ACSS3: variants seen among roughly 807,000 people sequenced by gnomAD.
ACSS3 encodes acyl-CoA synthetase short-chain family member 3, mitochondrial.
In ACSS3, 64 loss-of-function variants were observed where a neutral mutation model predicts 84.2. The ratio of observed to expected loss-of-function variants is 0.76; its 90% CI spans 0.62 to 0.94. ACSS3 has a LOEUF of 0.94. Ranked by LOEUF, ACSS3 falls within the 40% of genes least tolerant of loss-of-function variation. The pLI is 0.00. For synonymous variants in ACSS3, 317 were observed against 310.1 expected (o/e 1.02, Z -0.23); for missense variants, 815 against 867.6 (o/e 0.94, Z 0.76).
At chr12:81,211,118 C>G (rs2032574402) in intron 9 of ACSS3, among the ~76,000 whole-genome samples, 1 of 151,918 alleles carries the variant, frequency 6.6e-6, no homozygotes, top group Admixed American at 6.6e-5. Context: ...TGGGTGTGCA[C>G]CACCATACTT....
intron 1 of ACSS3, among the ~76,000 whole-genome samples, chr12:81,108,247 C>CTAT (rs71098120): frequency 0.49 from 68,865 of 140,700 alleles, 17,215 homozygotes; most frequent in East Asian, 0.62. Flanking sequence ...CTTTCTGTGG[C>CTAT]TATTATTATT....
chr12:81,097,615 C>A (rs114118728), intron 1 of ACSS3, among the ~76,000 whole-genome samples: 2 of 152,212 alleles, frequency 1.3e-5, no homozygotes, highest in Non-Finnish European at 2.9e-5. Context: ...CCCATTCTAC[C>A]TGTGACCATA....
intron 7 of ACSS3, among the ~76,000 whole-genome samples, chr12:81,167,447 A>G (rs545795139): frequency 1.3e-5 from 2 of 152,322 alleles, no homozygotes. Context: ...TCTGAAATAT[A>G]TAGAACAGAA....
In ACSS3 at chr12:81,247,548, G is replaced by A. The variant is rs143344980; in HGVS notation, c.1720-5759G>A. On this transcript the variant is annotated intron_variant, in intron 13 of 15. Coordinates refer to ENST00000548058, the MANE Select transcript of ACSS3 (RefSeq NM_024560.4). ...TTGGAGTATTTAGGGTGCATAACAG[G>A]AAACCATTCAGACCTTAAATCTTTA... Among the ~76,000 whole-genome samples, 148 of 152,164 alleles carry A rather than the reference G, an allele frequency of 9.7e-4. 1 individual carries two copies. The highest frequency in any genetic ancestry group is 6.2e-3 in the South Asian group (30 of 4,826).
chr12:81,083,980 A>G (rs946444183), intron 1 of ACSS3, among the ~76,000 whole-genome samples: 2 of 151,936 alleles, frequency 1.3e-5, no homozygotes, highest in Non-Finnish European at 2.9e-5. Flanking sequence ...AAGAACAACA[A>G]CAAAAACCCG....
intron 13 of ACSS3, among the ~76,000 whole-genome samples, chr12:81,235,788 G>A (rs1041242022): frequency 5.9e-5 from 9 of 151,394 alleles, no homozygotes; most frequent in Non-Finnish European, 1.0e-4. Context: ...CTAGTGGATA[G>A]AAATACTACT....
chr12:81,137,334 CACACA>C (rs1885859762), intron 3 of ACSS3, among the ~76,000 whole-genome samples: 2 of 132,138 alleles, frequency 1.5e-5, no homozygotes, highest in Admixed American at 1.5e-4. Flanking sequence ...CACACACACA[CACACA>C]CACACACACA....
chr12:81,156,327 A>G (rs996499822), intron 7 of ACSS3, among the ~76,000 whole-genome samples: 5 of 152,018 alleles, frequency 3.3e-5, no homozygotes, highest in African/African-American at 4.8e-5. Context: ...AGGGAAATTT[A>G]TAGCACTAAA....
Position 81,253,630 on chromosome 12 carries a change from G to A in ACSS3, c.1955G>A (p.Arg652Gln), listed in dbSNP as rs759707767. 35 of 1,613,718 alleles carry A rather than the reference G, an allele frequency of 2.2e-5. No homozygotes were observed. Among genetic ancestry groups the A allele is most frequent in the South Asian group, 7.7e-5 (7 of 91,070 alleles). ...LPKTRSGKIP[R>Q]SALSAIVNGK... ...AAAACCAGATCTGGCAAGATCCCCC[G>A]ATCAGCTTTATCTGCCATTGTCAAT... Residue 652 changes from arginine to glutamine, a missense_variant, in exon 15 of 16, where the codon CGA becomes CAA. Arg to Gln is a conservative substitution (Grantham distance 43). Coordinates refer to ENST00000548058, the MANE Select transcript of ACSS3 (RefSeq NM_024560.4).
intron 1 of ACSS3, among the ~76,000 whole-genome samples, chr12:81,088,903 A>G (rs1247458925): frequency 2.0e-5 from 3 of 152,026 alleles, no homozygotes; most frequent in African/African-American, 4.8e-5. Flanking sequence ...AATAAAAAAT[A>G]GCTGTTCTTT....
rs1170462664 is a variant in ACSS3 at position 81,260,400 on chromosome 12, C to CT, written c.*5479dup. Reference sequence around the variant, plus strand: ...TCACTTAAGAGCTAAGAAGCAAGCACTATTGAACATATTAAATAGTCATTT... The same window carrying CT: ...TCACTTAAGAGCTAAGAAGCAAGCACTTATTGAACATATTAAATAGTCATTT... On this transcript the variant is annotated 3_prime_UTR_variant, in exon 16 of 16. Transcript: ENST00000548058. 3.3e-5 allele frequency: 5 copies of CT among 152,138 alleles called. No homozygotes were observed. Among genetic ancestry groups the CT allele is most frequent in the Non-Finnish European group, 5.9e-5 (4 of 68,020 alleles). 9.4% of individuals were successfully genotyped at this position (152,138 alleles called of 1,614,324 possible).
At position 81,152,064 on chromosome 12, in the gene ACSS3, C is replaced by T. The variant is rs1886638346; in HGVS notation, c.1066C>T (p.Leu356Phe). 9.3e-6 allele frequency: 15 copies of T among 1,613,154 alleles called. No individual in the cohort carries two copies. The highest frequency in any genetic ancestry group is 1.3e-5 in the Non-Finnish European group (15 of 1,179,636). Residue 356 changes from leucine (L) to phenylalanine (F), a missense_variant, in exon 7 of 16, where the codon CTT becomes TTT. Physicochemically the swap from Leu to Phe is conservative, Grantham distance 22. Transcript: ENST00000548058. ...VGHSYICYGP[L>F]LHGNTTVLYE... ...ACATTCCTATATCTGCTATGGACCT[C>T]TTCTTCATGGGAACACAACAGTTTT...
Position 81,174,865 on chromosome 12 carries a change from A to G in ACSS3, c.1176A>G (p.Thr392=). 6.2e-7 allele frequency: 1 copy of G among 1,613,996 alleles called. No homozygotes were observed. The highest frequency in any genetic ancestry group is 8.5e-7 in the Non-Finnish European group (1 of 1,179,932). The change falls in exon 8 of 16, where the codon ACA becomes ACG. Residue 392 remains threonine (T), a synonymous_variant. Coordinates refer to ENST00000548058, the MANE Select transcript of ACSS3 (RefSeq NM_024560.4). The stretch of plus-strand genomic sequence containing the variant: ...AGCATGGAGTAGCTGCCTTGTTTAC[A>G]GCACCAACTGCAATTAGAGCAATCC... ...LAEHGVAALF[T]APTAIRAIRQ... is the part of the protein sequence containing the mutation.
intron 8 of ACSS3, among the ~76,000 whole-genome samples, chr12:81,179,899 C>A (rs1411538483): frequency 6.6e-6 from 1 of 151,902 alleles, no homozygotes; most frequent in Non-Finnish European, 1.5e-5. Flanking sequence ...CATGGTTTTG[C>A]AGGCTGTAAA....
At chr12:81,176,186 A>G (rs2030464071) in intron 8 of ACSS3, among the ~76,000 whole-genome samples, 1 of 152,224 alleles carries the variant, frequency 6.6e-6, no homozygotes, top group Non-Finnish European at 1.5e-5. Flanking sequence ...TTCAACAGAA[A>G]TGTAAAAAAT....
At chr12:81,103,024 A>C (rs1398425704) in intron 1 of ACSS3, among the ~76,000 whole-genome samples, 1 of 152,194 alleles carries the variant, frequency 6.6e-6, no homozygotes, top group Admixed American at 6.5e-5. Context: ...AAGCAGTGTG[A>C]CCAATATTTG....
chr12:81,093,345 C>G (rs901235100), intron 1 of ACSS3, among the ~76,000 whole-genome samples: 1 of 151,698 alleles, frequency 6.6e-6, no homozygotes, highest in Non-Finnish European at 1.5e-5. Flanking sequence ...CTCAGCTACT[C>G]AGGAGGCTGA....
Position 81,233,454 on chromosome 12 carries a change from G to A in ACSS3, c.1702G>A (p.Ala568Thr). ...AAATGTTGCAGGTCACAGAATTTCT[G>A]CAGGCGCCATTGAAGAGGTATTGAT... is the stretch of plus-strand genomic sequence containing the variant. ...VINVAGHRIS[A>T]GAIEESILSH... Residue 568 changes from alanine to threonine, a missense_variant, in exon 13 of 16, where the codon GCA becomes ACA. Transcript: ENST00000548058. 6.2e-7 allele frequency: 1 copy of A among 1,610,856 alleles called. No homozygotes were observed. The highest frequency in any genetic ancestry group is 8.5e-7 in the Non-Finnish European group (1 of 1,177,870).
intron 7 of ACSS3, among the ~76,000 whole-genome samples, chr12:81,162,638 G>T (rs895833424): frequency 1.3e-5 from 2 of 152,058 alleles, no homozygotes; most frequent in Admixed American, 6.6e-5. Context: ...CTTCACTGGG[G>T]ACCCACCCCT....
Sources: allele counts gnomAD v4.1 joint callset (sites outside exome capture counted in the v4.1 genomes callset), GRCh38; gene constraint gnomAD v4.1.1; transcripts MANE v1.5; gene names NCBI Gene and HGNC (gene_info 2026-07-23, HGNC 2026-07-21).